The following SLC35B3 variants were observed in gnomAD, a reference collection of about 807,000 sequenced individuals.
SLC35B3 encodes the protein adenosine 3'-phospho 5'-phosphosulfate transporter 2.
In SLC35B3, 35 loss-of-function variants were observed where a neutral mutation model predicts 44.1. The observed-to-expected ratio is 0.79, with a 90% CI of 0.61 to 1.05. SLC35B3 has a LOEUF of 1.05. SLC35B3 is among the 50% of genes least tolerant of loss of function. SLC35B3 has a pLI of 0.00. For missense variants in SLC35B3, 414 were observed against 476.4 expected (o/e 0.87, Z 1.22); for synonymous variants, 146 against 167.3 (o/e 0.87, Z 0.98).
At chr6:8,431,104 CAG>C (rs1420685030) in intron 2 of SLC35B3, among the ~76,000 whole-genome samples, 16 of 112,336 alleles carry the variant, frequency 1.4e-4, no homozygotes, top group African/African-American at 7.0e-4. Context: ...CATTTTTTGT[CAG>C]TCTAAAAAAA....
chr6:8,434,280 A>G lies in SLC35B3; in HGVS notation c.3+105T>C. 9.2e-7 allele frequency: 1 copy of G among 1,090,016 alleles called. No homozygotes were observed. Among genetic ancestry groups the G allele is most frequent in the East Asian group, 2.4e-5 (1 of 41,520 alleles). 67.5% of individuals were successfully genotyped at this position (1,090,016 alleles called of 1,614,324 possible). On this transcript the variant is annotated intron_variant, in intron 2 of 10. Transcript: ENST00000644923. The surrounding 1 kb of genome is among the most constrained non-coding windows in gnomAD (Gnocchi z 6.3). ...GAAGGACAAAAGTCCCACACCAAAA[A>G]AAGGTAGAATATGAAAAAAAAGTCA...
chr6:8,426,094 T>A (rs1191425517), intron 4 of SLC35B3, among the ~76,000 whole-genome samples: 2 of 152,178 alleles, frequency 1.3e-5, no homozygotes, highest in East Asian at 3.9e-4. Context: ...AGCTGGGGCA[T>A]ATCCCACAAA....
intron 4 of SLC35B3, among the ~76,000 whole-genome samples, chr6:8,425,302 A>G (rs1763313793): frequency 6.6e-6 from 1 of 152,210 alleles, no homozygotes; most frequent in Admixed American, 6.5e-5. Context: ...TAGAAGGCCC[A>G]GTAGTTTGTA....
chr6:8,413,769 T>C, intron 10 of SLC35B3, 70 bp from the exon 10 acceptor site: 1 of 949,790 alleles, frequency 1.1e-6, no homozygotes, highest in Non-Finnish European at 1.5e-6. Flanking sequence ...CCACAGAATT[T>C]GTTAATATGT....
chr6:8,417,279 G>A, intron 8 of SLC35B3, 123 bp downstream of exon 7: 2 of 660,062 alleles, frequency 3.0e-6, no homozygotes. Context: ...TTTCCGATTG[G>A]CATGTTATGT....
intron 4 of SLC35B3, among the ~76,000 whole-genome samples, chr6:8,425,912 A>G (rs950605222): frequency 1.1e-4 from 17 of 152,202 alleles, no homozygotes; most frequent in Non-Finnish European, 1.9e-4. Flanking sequence ...TTTATTGCAT[A>G]TTGTTCTAGA....
intron 7 of SLC35B3, chr6:8,418,891 A>G: frequency 4.8e-6 from 1 of 209,264 alleles, no homozygotes; most frequent in Non-Finnish European, 1.1e-5. Context: ...ATATTCTGCA[A>G]AAGAAAAGGA....
rs1168101766 is a variant in SLC35B3 at position 8,432,332 on chromosome 6, T to C, written c.3+2053A>G. 1.3e-5 allele frequency among the ~76,000 whole-genome samples: 2 copies of C among 152,044 alleles called. No homozygotes were observed. Among genetic ancestry groups the C allele is most frequent in the South Asian group, 4.1e-4 (2 of 4,830 alleles). The stretch of plus-strand genomic sequence containing the variant: ...TAATGCTTACATATTTACACATACA[T>C]ACAGAATAAATAAAACTTCTAGAAA... On this transcript the variant is annotated intron_variant, in intron 2 of 10. Transcript: ENST00000644923. This position sits in a 1 kb window ranked among gnomAD's most constrained non-coding sequence, Gnocchi z 4.8.
At chr6:8,429,406 T>C (rs59591748) in intron 3 of SLC35B3, among the ~76,000 whole-genome samples, 75,896 of 151,888 alleles carry the variant, frequency 0.5, 19,901 homozygotes, top group African/African-American at 0.68. Context: ...ATATAAGAGG[T>C]GTTTAAAAAA....
chr6:8,435,001 C>T lies in SLC35B3; in HGVS notation c.-44+342G>A. 4 of 902,276 alleles carry T rather than the reference C, an allele frequency of 4.4e-6. No homozygotes were observed. The highest frequency in any genetic ancestry group is 5.9e-6 in the Non-Finnish European group (4 of 680,164). The allele number at this position is 902,276 out of a possible 1,614,324, so 55.9% of individuals were successfully genotyped here. On this transcript the variant is annotated intron_variant, in intron 1 of 10. Transcript: ENST00000644923. The surrounding 1 kb of genome is among the most constrained non-coding windows in gnomAD (Gnocchi z 5.5). ...GGAAACAGTTAACTGTAAATACAGT[C>T]TAGAGGTATCCAGGTGACTGACAGT...
chr6:8,426,716 A>G (rs1410907593), intron 4 of SLC35B3, among the ~76,000 whole-genome samples: 1 of 152,124 alleles, frequency 6.6e-6, no homozygotes, highest in African/African-American at 2.4e-5. Context: ...ACCAGGAGTG[A>G]GATGTTGCTG....
rs544185824 is a variant in SLC35B3 at position 8,415,009 on chromosome 6, C to T, written c.986-32G>A. On this transcript the variant is annotated intron_variant, in intron 9 of 10. Transcript: ENST00000644923. Reference sequence around the variant, plus strand: ...GAGCAAAAAATTAGTTTAGAATGTGCCTATTATCTTGACAATATTTTAGAA... The same window carrying T: ...GAGCAAAAAATTAGTTTAGAATGTGTCTATTATCTTGACAATATTTTAGAA... 18 of 1,390,216 alleles carry T rather than the reference C, an allele frequency of 1.3e-5. No individual in the cohort carries two copies. The South Asian group carries it at 2.0e-4, about 15-fold the overall frequency. 86.1% of individuals were successfully genotyped at this position (1,390,216 alleles called of 1,614,324 possible).
intron 4 of SLC35B3, among the ~76,000 whole-genome samples, chr6:8,425,733 G>T (rs957982750): frequency 6.6e-6 from 1 of 151,946 alleles, no homozygotes; most frequent in Non-Finnish European, 1.5e-5. Context: ...TTAAACATTT[G>T]TATCAAGGTA....
chr6:8,431,140 T>C (rs1425366396), intron 2 of SLC35B3, among the ~76,000 whole-genome samples: 1 of 152,196 alleles, frequency 6.6e-6, no homozygotes, highest in East Asian at 1.9e-4. Flanking sequence ...CAATTTCTCT[T>C]TGGATTTATA....
intron 2 of SLC35B3, among the ~76,000 whole-genome samples, chr6:8,431,847 C>G (rs1440831201): frequency 6.6e-6 from 1 of 152,162 alleles, no homozygotes; most frequent in African/African-American, 2.4e-5. Flanking sequence ...CCCGGCCTTA[C>G]ATAGGTTTCT....
Position 8,433,586 on chromosome 6 carries a change from A to G in SLC35B3, c.3+799T>C, listed in dbSNP as rs906792994. 6.6e-6 allele frequency among the ~76,000 whole-genome samples: 1 copy of G among 152,220 alleles called. No individual in the cohort carries two copies. The highest frequency in any genetic ancestry group is 1.5e-5 in the Non-Finnish European group (1 of 68,042). On this transcript the variant is annotated intron_variant, in intron 2 of 10. Transcript: ENST00000644923. This position sits in a 1 kb window ranked among gnomAD's most constrained non-coding sequence, Gnocchi z 4.1. ...ACTTTATGTGCTGCAGATCTAGGCC[A>G]TATGTGCAGAATGAAATCTCTCTAG... is the stretch of plus-strand genomic sequence containing the variant.
At chr6:8,428,627 A>G (rs1172240164) in intron 3 of SLC35B3, among the ~76,000 whole-genome samples, 1 of 152,210 alleles carries the variant, frequency 6.6e-6, no homozygotes, top group Non-Finnish European at 1.5e-5. Flanking sequence ...TAAACCAATT[A>G]TAAACTAAAA....
At chr6:8,422,423 C>T (rs892058195) in intron 5 of SLC35B3, 47 bp downstream of exon 4, 1 of 1,397,334 alleles carries the variant, frequency 7.2e-7, no homozygotes, top group Admixed American at 1.9e-5. Flanking sequence ...GATGCCATAA[C>T]ATAGCCTATT....
At chr6:8,417,956 T>C (rs1161146464) in intron 7 of SLC35B3, among the ~76,000 whole-genome samples, 1 of 152,158 alleles carries the variant, frequency 6.6e-6, no homozygotes, top group African/African-American at 2.4e-5. Flanking sequence ...CCCAATTTAC[T>C]ATGCTTTTCA....
Sources: allele counts gnomAD v4.1 joint callset (sites outside exome capture counted in the v4.1 genomes callset), GRCh38; gene constraint gnomAD v4.1.1; non-coding constraint Gnocchi (gnomAD v3.1); transcripts MANE v1.5; gene names NCBI Gene and HGNC (gene_info 2026-07-23, HGNC 2026-07-21).